GPC6: variants seen among roughly 807,000 people sequenced by gnomAD.
GPC6 encodes glypican 6, also known as glypican-6.
Under a neutral mutation model 55.2 loss-of-function variants are expected in GPC6, and 14 were observed. That is an observed-to-expected ratio of 0.25 (90% CI 0.17 to 0.40). The LOEUF is 0.40. GPC6 is among the 10% of genes least tolerant of loss of function. The pLI is 1.00. For missense variants in GPC6, 641 were observed against 708.5 expected, an observed-to-expected ratio of 0.90 and a Z score of 1.08; for synonymous variants, 278 against 259.6, an observed-to-expected ratio of 1.07 and a Z score of -0.68.
intron 2 of GPC6, among the ~76,000 whole-genome samples, chr13:93,680,792 A>G (rs1273138186): frequency 1.3e-5 from 2 of 152,138 alleles, no homozygotes; most frequent in Admixed American, 6.6e-5. Flanking sequence ...GGGGGTATCA[A>G]TATCTCCAAG....
At chr13:93,312,313 C>T (rs1262518956) in intron 1 of GPC6, among the ~76,000 whole-genome samples, 2 of 152,092 alleles carry the variant, frequency 1.3e-5, no homozygotes, top group East Asian at 1.9e-4. Flanking sequence ...CACTTATGTC[C>T]TGTGTATATA....
At chr13:93,634,336 G>C (rs1364769020) in intron 2 of GPC6, among the ~76,000 whole-genome samples, 1 of 152,144 alleles carries the variant, frequency 6.6e-6, no homozygotes, top group Non-Finnish European at 1.5e-5. Flanking sequence ...CTCAACTGAA[G>C]ACCTAGTCTA....
intron 1 of GPC6, among the ~76,000 whole-genome samples, chr13:93,387,653 A>G (rs1428447670): frequency 1.3e-5 from 2 of 152,222 alleles, no homozygotes; most frequent in Non-Finnish European, 2.9e-5. Context: ...AAATTACCAA[A>G]CGATCTCTAT....
At chr13:93,347,989 G>T (rs972588002) in intron 1 of GPC6, among the ~76,000 whole-genome samples, 1 of 152,174 alleles carries the variant, frequency 6.6e-6, no homozygotes, top group Non-Finnish European at 1.5e-5. Flanking sequence ...AAGATCCTGA[G>T]ATGTCCTACA....
intron 1 of GPC6, among the ~76,000 whole-genome samples, chr13:93,362,051 T>C (rs939674877): frequency 1.3e-5 from 2 of 152,204 alleles, no homozygotes; most frequent in African/African-American, 4.8e-5. Context: ...ATAAGGTAAC[T>C]CTTTCATAAT....
chr13:93,659,319 C>A (rs780992177), intron 2 of GPC6, among the ~76,000 whole-genome samples: 3 of 151,924 alleles, frequency 2.0e-5, no homozygotes, highest in Non-Finnish European at 4.4e-5. Context: ...ATGGCTTTTA[C>A]TTCCTGTGTT....
intron 1 of GPC6, among the ~76,000 whole-genome samples, chr13:93,377,910 T>C (rs1874987791): frequency 6.6e-6 from 1 of 152,230 alleles, no homozygotes. Flanking sequence ...AAGTTAATCA[T>C]ACAAATGTGT....
At chr13:93,726,278 G>A (rs1455417449) in intron 2 of GPC6, among the ~76,000 whole-genome samples, 1 of 151,782 alleles carries the variant, frequency 6.6e-6, no homozygotes, top group Non-Finnish European at 1.5e-5. Flanking sequence ...CAGTCCTTTC[G>A]GAGGTTCTCC....
chr13:93,361,851 C>T (rs12872256), intron 1 of GPC6, among the ~76,000 whole-genome samples: 9 of 151,982 alleles, frequency 5.9e-5, no homozygotes, highest in East Asian at 3.9e-4. Flanking sequence ...TCCCTGGGTC[C>T]GTGCAGTCAA....
chr13:93,768,117 G>A (rs1885181279), intron 2 of GPC6, among the ~76,000 whole-genome samples: 1 of 152,134 alleles, frequency 6.6e-6, no homozygotes, highest in African/African-American at 2.4e-5. Flanking sequence ...TGGCGTGGAG[G>A]CCACATTCAA....
chr13:93,524,146 A>C (rs900292257), intron 1 of GPC6, among the ~76,000 whole-genome samples: 7 of 151,966 alleles, frequency 4.6e-5, no homozygotes, highest in African/African-American at 1.7e-4. Flanking sequence ...ACTTAAAGAC[A>C]AAAATACCCA....
chr13:93,747,739 A>T (rs1175251892), intron 2 of GPC6, among the ~76,000 whole-genome samples: 2 of 152,234 alleles, frequency 1.3e-5, no homozygotes, highest in African/African-American at 4.8e-5. Flanking sequence ...TGCTCTAGGT[A>T]GGCTAGGCTA....
chr13:93,560,699 C>A (rs2139458190), intron 2 of GPC6, among the ~76,000 whole-genome samples: 1 of 146,536 alleles, frequency 6.8e-6, no homozygotes, highest in Non-Finnish European at 1.5e-5. Flanking sequence ...ACTAAAAATA[C>A]AAAAAATTAT....
At chr13:93,671,331 A>T (rs561008493) in intron 2 of GPC6, among the ~76,000 whole-genome samples, 1 of 149,836 alleles carries the variant, frequency 6.7e-6, no homozygotes, top group African/African-American at 2.5e-5. Flanking sequence ...CACTGGCCTG[A>T]TTAATAAGGT....
chr13:93,356,229 T>A (rs937167226), intron 1 of GPC6, among the ~76,000 whole-genome samples: 12 of 152,206 alleles, frequency 7.9e-5, no homozygotes, highest in African/African-American at 2.9e-4. Context: ...ATTCATACAA[T>A]TAATCTTCTA....
intron 1 of GPC6, among the ~76,000 whole-genome samples, chr13:93,482,864 G>A (rs1879569951): frequency 6.6e-6 from 1 of 152,132 alleles, no homozygotes; most frequent in Non-Finnish European, 1.5e-5. Flanking sequence ...ACCATATGGA[G>A]GTTTTCTAAA....
intron 4 of GPC6, among the ~76,000 whole-genome samples, chr13:94,127,649 C>T (rs1461013832): frequency 1.3e-5 from 2 of 152,110 alleles, no homozygotes; most frequent in Non-Finnish European, 2.9e-5. Flanking sequence ...CTGGACCAGC[C>T]CTGGTCATTG....
At chr13:93,472,741 C>T (rs931339025) in intron 1 of GPC6, among the ~76,000 whole-genome samples, 2 of 152,148 alleles carry the variant, frequency 1.3e-5, no homozygotes, top group Admixed American at 6.5e-5. Flanking sequence ...ATCTTTCTGC[C>T]CTGTTTGTGT....
intron 4 of GPC6, among the ~76,000 whole-genome samples, chr13:94,264,887 A>G (rs1340102359): frequency 6.6e-6 from 1 of 152,226 alleles, no homozygotes; most frequent in Non-Finnish European, 1.5e-5. Flanking sequence ...GCAGCAGGCA[A>G]GAGAGAATGA....
Sources: gnomAD v4.1 joint callset for allele counts (sites outside exome capture counted in the v4.1 genomes callset) on GRCh38, gnomAD v4.1.1 for gene constraint, MANE v1.5 for transcripts, NCBI Gene and HGNC (gene_info 2026-07-23, HGNC 2026-07-21) for gene names.